Variants in CCSER1 observed in about 807,000 individuals in gnomAD.
CCSER1 encodes the protein serine-rich coiled-coil domain-containing protein 1.
A neutral mutation model predicts 82.0 loss-of-function variants in CCSER1; 41 were observed. The observed-to-expected ratio is 0.50, with a 90% CI of 0.39 to 0.65. The LOEUF (loss-of-function observed/expected upper bound fraction) is 0.65, where lower values mean the gene tolerates loss of function less well. CCSER1 is among the 30% of genes least tolerant of loss of function. CCSER1 has a pLI of 0.00. For missense variants in CCSER1, 1,119 were observed against 1,064.2 expected, an observed-to-expected ratio of 1.05 and a Z score of -0.72; for synonymous variants, 414 against 383.9, an observed-to-expected ratio of 1.08 and a Z score of -0.92.
intron 10 of CCSER1, among the ~76,000 whole-genome samples, chr4:91,313,712 A>G (rs1435233610): frequency 6.6e-6 from 1 of 151,882 alleles, no homozygotes; most frequent in East Asian, 1.9e-4. Context: ...CGAGTTCACC[A>G]TATGAGGAAG....
At chr4:91,567,104 G>T (rs1043493144) in intron 10 of CCSER1, among the ~76,000 whole-genome samples, 8 of 152,086 alleles carry the variant, frequency 5.3e-5, no homozygotes, top group African/African-American at 1.7e-4. Context: ...TATTTTCAAA[G>T]AACTTCTTTA....
intron 10 of CCSER1, among the ~76,000 whole-genome samples, chr4:91,376,602 A>G (rs1255626825): frequency 6.6e-6 from 1 of 152,198 alleles, no homozygotes; most frequent in Admixed American, 6.6e-5. Flanking sequence ...ATGCAAATTA[A>G]GCAACCAGAG....
chr4:91,375,519 CTTT>C (rs35891064), intron 10 of CCSER1, among the ~76,000 whole-genome samples: 5 of 137,018 alleles, frequency 3.6e-5, no homozygotes, highest in East Asian at 4.4e-4. Context: ...TCACTGTTGT[CTTT>C]TTTTTTTTTT....
chr4:90,894,793 C>T (rs549135886), intron 8 of CCSER1, among the ~76,000 whole-genome samples: 216 of 152,066 alleles, frequency 1.4e-3, no homozygotes, highest in African/African-American at 5.1e-3. Context: ...TTTCCATGTG[C>T]TGGACACTGT....
chr4:91,132,730 T>C (rs926853076), intron 10 of CCSER1, among the ~76,000 whole-genome samples: 3 of 152,200 alleles, frequency 2.0e-5, no homozygotes, highest in African/African-American at 7.2e-5. Flanking sequence ...ATTTATGAAG[T>C]ATTAGAAAAG....
In CCSER1 at chr4:91,146,734, C is replaced by T. The variant is rs149398707; in HGVS notation, c.2217+60740C>T. ...GCCAAGGCTCTGTATGGGTTTTTTACGTTGATAGTTTCCTTCATGGGCTTT... is the reference window on the plus strand; with the variant it reads ...GCCAAGGCTCTGTATGGGTTTTTTATGTTGATAGTTTCCTTCATGGGCTTT... On this transcript the variant is annotated intron_variant, in intron 10 of 10. Coordinates refer to ENST00000509176, the MANE Select transcript of CCSER1 (RefSeq NM_001145065.2). Among the ~76,000 whole-genome samples the T allele has an allele frequency of 5.9e-5, 9 of 152,018 alleles. No individual in the cohort carries two copies. The East Asian group carries it at 7.7e-4, about 13-fold the overall frequency.
rs921802936 is a variant in CCSER1 at position 90,172,457 on chromosome 4, G to T, written c.-42+44626G>T. Among the ~76,000 whole-genome samples, 5 of 151,818 alleles carry T rather than the reference G, an allele frequency of 3.3e-5. No individual in the cohort carries two copies. In the South Asian group the frequency reaches 8.3e-4, roughly 25 times the overall value. ...TAGCTTGGAAATAAGACTAGATAAG[G>T]CATAATTGTATGAGCTACACTGATT... is the stretch of plus-strand genomic sequence containing the variant. On this transcript the variant is annotated intron_variant, in intron 1 of 10. Transcript: ENST00000509176.
chr4:90,163,642 T>A (rs1294137439), intron 1 of CCSER1, among the ~76,000 whole-genome samples: 1 of 152,138 alleles, frequency 6.6e-6, no homozygotes, highest in East Asian at 1.9e-4. Flanking sequence ...CAAGAGGTAT[T>A]TTCTATTGTT....
At chr4:90,293,581 T>C (rs533371803) in intron 1 of CCSER1, among the ~76,000 whole-genome samples, 2 of 150,870 alleles carry the variant, frequency 1.3e-5, no homozygotes, top group Admixed American at 1.3e-4. Context: ...TATAAACTTA[T>C]TTTTATTTTA....
In CCSER1 at chr4:91,364,329, G is replaced by C. The variant is rs144964077; in HGVS notation, c.2218-234243G>C. On this transcript the variant is annotated intron_variant, in intron 10 of 10. Transcript: ENST00000509176. ...TAGAAAAGACTAATTTTCATGATGG[G>C]AAATACACACTAGATTTTTAAATTT... Among the ~76,000 whole-genome samples the C allele has an allele frequency of 6.2e-3, 936 of 151,910 alleles. 14 individuals carry two copies. Among genetic ancestry groups the C allele is most frequent in the African/African-American group, 0.021 (875 of 41,486 alleles).
intron 9 of CCSER1, among the ~76,000 whole-genome samples, chr4:90,996,606 A>T (rs763050631): frequency 8.5e-5 from 13 of 152,152 alleles, no homozygotes; most frequent in Non-Finnish European, 1.8e-4. Flanking sequence ...TTCTACCAAT[A>T]GAATTCCTTT....
chr4:91,082,976 G>T (rs976396486), intron 9 of CCSER1, among the ~76,000 whole-genome samples: 5 of 152,180 alleles, frequency 3.3e-5, no homozygotes, highest in Non-Finnish European at 7.3e-5. Context: ...CTGTAAACTA[G>T]TTCAACCATT....
At chr4:90,380,604 ATTC>A (rs1749054705) in intron 3 of CCSER1, among the ~76,000 whole-genome samples, 1 of 152,148 alleles carries the variant, frequency 6.6e-6, no homozygotes, top group Non-Finnish European at 1.5e-5. Flanking sequence ...TTATTCCCTT[ATTC>A]TTCTTTGTAA....
At chr4:90,358,438 A>G (rs1363806201) in intron 3 of CCSER1, among the ~76,000 whole-genome samples, 1 of 152,162 alleles carries the variant, frequency 6.6e-6, no homozygotes, top group Non-Finnish European at 1.5e-5. Flanking sequence ...TATTGATATT[A>G]ATTAGTACAT....
intron 7 of CCSER1, among the ~76,000 whole-genome samples, chr4:90,808,774 T>C (rs2149730121): frequency 6.6e-6 from 1 of 152,318 alleles, no homozygotes; most frequent in Non-Finnish European, 1.5e-5. Context: ...GAAAATGGAA[T>C]ACTTATGCAC....
chr4:91,596,715 G>A (rs1764597829), intron 10 of CCSER1, among the ~76,000 whole-genome samples: 1 of 152,006 alleles, frequency 6.6e-6, no homozygotes, highest in Non-Finnish European at 1.5e-5. Flanking sequence ...GTCTTACAAT[G>A]TTTCCTTTCT....
At chr4:90,391,272 C>CAAAAAAA in intron 3 of CCSER1, among the ~76,000 whole-genome samples, 1 of 35,010 alleles carries the variant, frequency 2.9e-5, no homozygotes, top group East Asian at 8.7e-4. Flanking sequence ...GACTCTGTCT[C>CAAAAAAA]AAAAAAAAAA....
intron 3 of CCSER1, among the ~76,000 whole-genome samples, chr4:90,379,331 C>G (rs1748848392): frequency 6.6e-6 from 1 of 152,124 alleles, no homozygotes; most frequent in African/African-American, 2.4e-5. Context: ...AGGTCAAAAC[C>G]TGGCCACATG....
At chr4:91,544,967 T>C (rs527488030) in intron 10 of CCSER1, among the ~76,000 whole-genome samples, 2 of 152,176 alleles carry the variant, frequency 1.3e-5, no homozygotes, top group South Asian at 2.1e-4. Context: ...CAGTTCGAGC[T>C]TCCTAGCCGC....
Sources: gnomAD v4.1 joint callset for allele counts (sites outside exome capture counted in the v4.1 genomes callset) on GRCh38, gnomAD v4.1.1 for gene constraint, MANE v1.5 for transcripts, NCBI Gene and HGNC (gene_info 2026-07-23, HGNC 2026-07-21) for gene names.